The following KPNA2 variants were observed in gnomAD, a reference collection of about 807,000 sequenced individuals.
The protein encoded by KPNA2 is importin subunit alpha-1.
In KPNA2, 20 loss-of-function variants were observed where a neutral mutation model predicts 53.7. The ratio of observed to expected loss-of-function variants is 0.37; its 90% CI spans 0.26 to 0.54. The LOEUF is 0.54. KPNA2 is among the 20% of genes least tolerant of loss of function. KPNA2 has a pLI of 0.83. For missense variants in KPNA2, 515 were observed against 640.3 expected (o/e 0.80, Z 2.11); for synonymous variants, 238 against 227.5 (o/e 1.05, Z -0.42).
In KPNA2 at chr17:68,040,827, T is replaced by G. The variant is rs199502987; in HGVS notation, c.302+61T>G. On this transcript the variant is annotated intron_variant, in intron 4 of 10. Transcript: ENST00000330459. ...AAATTTGTGTTTTTAGATTTTTTTT[T>G]GGGGGGTGGGGCAGGAAGGGACAGA... The G allele has an allele frequency of 3.0e-3, 2,288 of 766,948 alleles. 10 individuals carry two copies. The highest frequency in any genetic ancestry group is 0.014 in the East Asian group (525 of 37,818). 47.5% of individuals were successfully genotyped at this position (766,948 alleles called of 1,614,324 possible). A position where few individuals can be genotyped will look rare whatever the true frequency, so the allele number is the denominator to read the frequency against.
intron 4 of KPNA2, among the ~76,000 whole-genome samples, chr17:68,041,580 C>T (rs546856796): frequency 5.3e-5 from 8 of 152,076 alleles, no homozygotes; most frequent in African/African-American, 1.9e-4. Context: ...AATAAAATAA[C>T]TTGGGTGTGG....
chr17:68,044,519 G>T lies in KPNA2; in HGVS notation c.1347+16G>T, dbSNP rs1599143553. ...TATCTTTCAGGTAAGTCCTATCAAG[G>T]TGGCTTTGTTTGAATTTGGACTTGA... On this transcript the variant is annotated intron_variant, in intron 9 of 10. Coordinates refer to ENST00000330459, the MANE Select transcript of KPNA2 (RefSeq NM_002266.4). 17 of 1,605,250 alleles carry T rather than the reference G, an allele frequency of 1.1e-5. No individual in the cohort carries two copies. Among genetic ancestry groups the T allele is most frequent in the Non-Finnish European group, 1.4e-5 (17 of 1,173,824 alleles).
chr17:68,046,061 T>C (rs2071326484), intron 10 of KPNA2, 140 bp downstream of exon 10: 5 of 530,246 alleles, frequency 9.4e-6, no homozygotes. Context: ...ATAATGTACT[T>C]ATTTGCCCCT....
chr17:68,044,236 C>A, intron 8 of KPNA2, 85 bp from the exon 9 acceptor site: 1 of 1,396,494 alleles, frequency 7.2e-7, no homozygotes, highest in Non-Finnish European at 9.9e-7. Flanking sequence ...TTGGTACTTT[C>A]AGTCATTGTT....
chr17:68,043,383 A>G lies in KPNA2; in HGVS notation c.930+20A>G, dbSNP rs2071287111. 8.7e-6 allele frequency: 14 copies of G among 1,611,710 alleles called. No homozygotes were observed. The highest frequency in any genetic ancestry group is 1.2e-5 in the Non-Finnish European group (14 of 1,178,404). Reference sequence around the variant, plus strand: ...ATTGTGGTAAGTTATTTACTTGTAGATTAGGACATAAGTATAAGAAGCATG... The same window carrying G: ...ATTGTGGTAAGTTATTTACTTGTAGGTTAGGACATAAGTATAAGAAGCATG... On this transcript the variant is annotated intron_variant, in intron 7 of 10. Transcript: ENST00000330459.
At chr17:68,043,418 G>T in intron 7 of KPNA2, 55 bp downstream of exon 7, 2 of 1,558,196 alleles carry the variant, frequency 1.3e-6, no homozygotes, top group African/African-American at 2.7e-5. Context: ...GATCAGGGCT[G>T]GGCGTGGTAG....
chr17:68,037,210 G>A lies in KPNA2; in HGVS notation c.75+3G>A. 1 of 1,609,214 alleles carries A rather than the reference G, an allele frequency of 6.2e-7. No homozygotes were observed. Among genetic ancestry groups the A allele is most frequent in the Non-Finnish European group, 8.5e-7 (1 of 1,177,164 alleles). Reference sequence around the variant, plus strand: ...AGAACAAGGGAAAAGACAGTACAGTGAGTACCTTCTGTTGCTTTCCTGTGG... The same window carrying A: ...AGAACAAGGGAAAAGACAGTACAGTAAGTACCTTCTGTTGCTTTCCTGTGG... On this transcript the variant is annotated splice_donor_region_variant and intron_variant, in intron 2 of 10. Coordinates refer to ENST00000330459, the MANE Select transcript of KPNA2 (RefSeq NM_002266.4).
intron 3 of KPNA2, among the ~76,000 whole-genome samples, chr17:68,039,123 CT>C (rs1166501651): frequency 1.1e-4 from 17 of 148,080 alleles, no homozygotes; most frequent in South Asian, 2.2e-4. Flanking sequence ...AATATGCTTC[CT>C]TTTTTTTTTG....
intron 4 of KPNA2, among the ~76,000 whole-genome samples, 199 bp downstream of exon 4, chr17:68,040,965 T>A (rs896711041): frequency 1.2e-4 from 19 of 152,230 alleles, no homozygotes; most frequent in African/African-American, 4.3e-4. Flanking sequence ...TGGCCTGGAA[T>A]GCCTGGGTTC....
At chr17:68,044,124 G>A (rs1555705098) in intron 8 of KPNA2, 53 bp downstream of exon 8, 1 of 1,474,850 alleles carries the variant, frequency 6.8e-7, no homozygotes, top group Non-Finnish European at 9.5e-7. Flanking sequence ...ATAGAAAGCT[G>A]TGCTTGATAA....
In KPNA2 at chr17:68,043,092, T is replaced by G; in HGVS notation, c.667-8T>G. ...AGAACCTCTCATTGCCTATTTTTTT[T>G]CCCCCAGTGTGGCTACTTACGTAAT... is the stretch of plus-strand genomic sequence containing the variant. On this transcript the variant is annotated splice_region_variant and splice_polypyrimidine_tract_variant and intron_variant, in intron 6 of 10. Coordinates refer to ENST00000330459, the MANE Select transcript of KPNA2 (RefSeq NM_002266.4). 6 of 1,613,736 alleles carry G rather than the reference T, an allele frequency of 3.7e-6. No homozygotes were observed. Among genetic ancestry groups the G allele is most frequent in the Non-Finnish European group, 5.1e-6 (6 of 1,179,812 alleles).
At chr17:68,039,861 T>A (rs1599139834) in intron 3 of KPNA2, among the ~76,000 whole-genome samples, 1 of 151,008 alleles carries the variant, frequency 6.6e-6, no homozygotes. Flanking sequence ...TCACCTGAGG[T>A]TGGCAGTTCG....
At chr17:68,040,115 C>A (rs1486279595) in intron 3 of KPNA2, among the ~76,000 whole-genome samples, 2 of 152,016 alleles carry the variant, frequency 1.3e-5, no homozygotes, top group Non-Finnish European at 2.9e-5. Context: ...AGAACGTTGC[C>A]TATGACTTCA....
At chr17:68,044,206 A>T in intron 8 of KPNA2, 115 bp from the exon 9 acceptor site, 1 of 1,283,408 alleles carries the variant, frequency 7.8e-7, no homozygotes, top group Non-Finnish European at 1.1e-6. Context: ...AACCCCTTTT[A>T]CTTAAGGTTG....
chr17:68,043,540 C>T (rs1340734929), intron 7 of KPNA2, among the ~76,000 whole-genome samples, 177 bp downstream of exon 7: 5 of 152,016 alleles, frequency 3.3e-5, no homozygotes, highest in Admixed American at 6.6e-5. Flanking sequence ...CCCATCTCTA[C>T]TAAAAATACA....
At chr17:68,043,683 CAAAAAA>C (rs35815075) in intron 7 of KPNA2, among the ~76,000 whole-genome samples, 149 bp from the exon 8 acceptor site, 8 of 141,538 alleles carry the variant, frequency 5.7e-5, no homozygotes, top group African/African-American at 7.8e-5. Context: ...TCCAGTCTCT[CAAAAAA>C]AAAAAAAAAA....
rs2071180769 is a variant in KPNA2 at position 68,035,748 on chromosome 17, G to C, written c.-116G>C. 6.6e-6 allele frequency: 1 copy of C among 152,370 alleles called. No individual in the cohort carries two copies. The highest frequency in any genetic ancestry group is 6.5e-5 in the Admixed American group (1 of 15,274). The allele number at this position is 152,370 out of a possible 1,614,324, so 9.4% of individuals were successfully genotyped here. Reference sequence around the variant, plus strand: ...GCTGCACGAGCCACACGGTCTTTGAGCTGAGTCGAGGTGGACCCTTTGAAC... The same window carrying C: ...GCTGCACGAGCCACACGGTCTTTGACCTGAGTCGAGGTGGACCCTTTGAAC... On this transcript the variant is annotated 5_prime_UTR_variant, in exon 1 of 11. Transcript: ENST00000330459.
rs782529611 is a variant in KPNA2 at position 68,040,683 on chromosome 17, T to C, written c.219T>C (p.Thr73=). The change falls in exon 4 of 11, where the codon ACT becomes ACC. Residue 73 remains threonine (T), a synonymous_variant. Transcript: ENST00000330459. ...AACTTTCACTTTTCTTCTAGGGCACTGTAAATTGGTCTGTTGATGACATTG... is the reference window on the plus strand; with the variant it reads ...AACTTTCACTTTTCTTCTAGGGCACCGTAAATTGGTCTGTTGATGACATTG... ...PLQENRNNQG[T]VNWSVDDIVK... The C allele has an allele frequency of 3.7e-6, 6 of 1,608,166 alleles. No individual in the cohort carries two copies. The highest frequency in any genetic ancestry group is 2.2e-5 in the East Asian group (1 of 44,814).
rs146469822 is a variant in KPNA2, at chr17:68,040,074, G to A, written c.214-604G>A. On this transcript the variant is annotated intron_variant, in intron 3 of 10. Coordinates refer to ENST00000330459, the MANE Select transcript of KPNA2 (RefSeq NM_002266.4). ...CAGCCTGGGGATTGAGTGAAACTCC[G>A]TCTCAAAAAAAAAAAGAAAAGAAAA... is the stretch of plus-strand genomic sequence containing the variant. Among the ~76,000 whole-genome samples, 798 of 143,824 alleles carry A rather than the reference G, an allele frequency of 5.5e-3. 1 individual carries two copies. The highest frequency in any genetic ancestry group is 0.011 in the Middle Eastern group (3 of 282). The allele number at this position is 143,824 out of a possible 152,430, so 94.4% of individuals were successfully genotyped here. A position where few individuals can be genotyped will look rare whatever the true frequency, so the allele number is the denominator to read the frequency against.
Sources: gnomAD v4.1 joint callset for allele counts (sites outside exome capture counted in the v4.1 genomes callset) on GRCh38, gnomAD v4.1.1 for gene constraint, MANE v1.5 for transcripts, NCBI Gene and HGNC (gene_info 2026-07-23, HGNC 2026-07-21) for gene names.